The following LRRFIP1 variants were observed in gnomAD, a reference collection of about 807,000 sequenced individuals.
LRRFIP1 encodes the protein LRR binding FLII interacting protein 1, also known as leucine-rich repeat flightless-interacting protein 1.
A neutral mutation model predicts 104.4 loss-of-function variants in LRRFIP1; 62 were observed. That is an observed-to-expected ratio of 0.59 (90% CI 0.48 to 0.73). The LOEUF (loss-of-function observed/expected upper bound fraction) is 0.73, where lower values mean the gene tolerates loss of function less well. LRRFIP1 is among the 30% of genes least tolerant of loss of function. LRRFIP1 has a pLI of 0.00. For synonymous variants in LRRFIP1, 300 were observed against 299.0 expected (o/e 1.00, Z -0.03); for missense variants, 796 against 824.5 (o/e 0.97, Z 0.42).
chr2:237,652,860 T>C (rs1333734019), intron 1 of LRRFIP1, among the ~76,000 whole-genome samples: 1 of 152,196 alleles, frequency 6.6e-6, no homozygotes. Flanking sequence ...GGTTTGGCCC[T>C]GTGTCCCCAC....
chr2:237,752,576 C>A (rs1002113903), intron 14 of LRRFIP1, among the ~76,000 whole-genome samples: 2 of 151,696 alleles, frequency 1.3e-5, no homozygotes, highest in Admixed American at 6.6e-5. Flanking sequence ...CTGCCTTTAG[C>A]TCTGCATGTA....
chr2:237,630,124 C>T (rs1471020315), intron 1 of LRRFIP1, among the ~76,000 whole-genome samples: 3 of 152,148 alleles, frequency 2.0e-5, no homozygotes. Context: ...AAAACCCAGC[C>T]GTAGGTGCAG....
chr2:237,715,707 T>A (rs918446071), intron 3 of LRRFIP1, among the ~76,000 whole-genome samples: 1 of 152,244 alleles, frequency 6.6e-6, no homozygotes, highest in African/African-American at 2.4e-5. Context: ...CCAGCTGCTT[T>A]GCGGAACAGT....
intron 1 of LRRFIP1, among the ~76,000 whole-genome samples, chr2:237,635,048 G>A (rs2082893142): frequency 6.6e-6 from 1 of 152,052 alleles, no homozygotes; most frequent in Non-Finnish European, 1.5e-5. Flanking sequence ...TATTGTTGTT[G>A]TTAGGTCCCT....
In LRRFIP1 at chr2:237,627,847, T is replaced by A. The variant is rs180767916; in HGVS notation, c.96+107T>A. ...CTGTCCCGCTGTGCGTCTGTGCCAC[T>A]GCGCGTCCGGCTCCAGGCGGGTGGG... On this transcript the variant is annotated intron_variant, in intron 1 of 23. Transcript: ENST00000308482. The A allele has an allele frequency of 3.3e-3, 2,375 of 712,304 alleles. 37 individuals carry two copies. The African/African-American group carries it at 0.04, about 12-fold the overall frequency. 44.1% of individuals were successfully genotyped at this position (712,304 alleles called of 1,614,324 possible).
chr2:237,725,757 G>T (rs1165034947), intron 7 of LRRFIP1, among the ~76,000 whole-genome samples: 1 of 152,204 alleles, frequency 6.6e-6, no homozygotes, highest in African/African-American at 2.4e-5. Context: ...GCTGTAAGTG[G>T]AAAGGTGACA....
chr2:237,679,183 A>G (rs1045325486), intron 1 of LRRFIP1, among the ~76,000 whole-genome samples: 12 of 152,220 alleles, frequency 7.9e-5, no homozygotes, highest in African/African-American at 2.7e-4. Context: ...TTTAGGCAAG[A>G]GTATCTTGTT....
chr2:237,700,267 G>A (rs983684949), intron 1 of LRRFIP1, among the ~76,000 whole-genome samples: 5 of 152,126 alleles, frequency 3.3e-5, no homozygotes, highest in South Asian at 2.1e-4. Flanking sequence ...GGTACACCAC[G>A]GCCCCTCCAG....
intron 2 of LRRFIP1, among the ~76,000 whole-genome samples, chr2:237,713,409 TC>T (rs2094194125): frequency 1.3e-5 from 2 of 152,216 alleles, no homozygotes; most frequent in South Asian, 4.1e-4. Context: ...ACCTTGAACT[TC>T]TTAGGGAGAA....
chr2:237,680,942 CT>C, intron 1 of LRRFIP1, among the ~76,000 whole-genome samples: 1 of 152,298 alleles, frequency 6.6e-6, no homozygotes, highest in Admixed American at 6.5e-5. Flanking sequence ...GATCACGCCA[CT>C]GCACTCCAGG....
At chr2:237,752,009 C>T (rs11689906) in intron 14 of LRRFIP1, among the ~76,000 whole-genome samples, 4,848 of 152,262 alleles carry the variant, frequency 0.032, 93 homozygotes, top group Middle Eastern at 0.12. Context: ...CAAAGGGCAC[C>T]AGACAGAGGA....
chr2:237,693,651 G>T (rs2092966559), intron 1 of LRRFIP1, among the ~76,000 whole-genome samples: 1 of 152,170 alleles, frequency 6.6e-6, no homozygotes, highest in Non-Finnish European at 1.5e-5. Flanking sequence ...AAGAAGGAAG[G>T]GTGGGAATGT....
intron 11 of LRRFIP1, among the ~76,000 whole-genome samples, chr2:237,747,840 G>A (rs1246982797): frequency 6.6e-6 from 1 of 151,820 alleles, no homozygotes; most frequent in African/African-American, 2.4e-5. Context: ...CCTTCAATGT[G>A]CCAAAAAATA....
chr2:237,742,172 G>A (rs1410286794), intron 11 of LRRFIP1, among the ~76,000 whole-genome samples: 3 of 152,228 alleles, frequency 2.0e-5, no homozygotes, highest in East Asian at 3.8e-4. Context: ...AGGTTTATTA[G>A]ATGATCATAA....
At chr2:237,767,884 G>T (rs960210062) in intron 19 of LRRFIP1, among the ~76,000 whole-genome samples, 1 of 152,220 alleles carries the variant, frequency 6.6e-6, no homozygotes, top group Non-Finnish European at 1.5e-5. Flanking sequence ...GTTTGTGTGT[G>T]CATGTATTAT....
In LRRFIP1 at chr2:237,712,081, G is replaced by T. The variant is rs60189371; in HGVS notation, c.184-2178G>T. ...GCCTGGGGCGGGGGGACATCCCAGA[G>T]CTCCTGCCGTGTGGCAGAGCTGGGC... On this transcript the variant is annotated intron_variant, in intron 2 of 23. Transcript: ENST00000308482. 2.6e-5 allele frequency among the ~76,000 whole-genome samples: 4 copies of T among 152,210 alleles called. No homozygotes were observed. In the East Asian group the frequency reaches 7.7e-4, roughly 29 times the overall value.
At chr2:237,728,797 A>G (rs1482967712) in intron 8 of LRRFIP1, among the ~76,000 whole-genome samples, 1 of 152,124 alleles carries the variant, frequency 6.6e-6, no homozygotes, top group East Asian at 1.9e-4. Flanking sequence ...TTGGGCTTCA[A>G]ATGAGTGACC....
intron 12 of LRRFIP1, among the ~76,000 whole-genome samples, chr2:237,748,861 A>G (rs2058222264): frequency 6.6e-6 from 1 of 152,216 alleles, no homozygotes; most frequent in Admixed American, 6.5e-5. Context: ...GGTAATTTAC[A>G]AAGAAAAGAG....
chr2:237,632,169 T>C (rs901751614), intron 1 of LRRFIP1, among the ~76,000 whole-genome samples: 1 of 151,912 alleles, frequency 6.6e-6, no homozygotes, highest in Admixed American at 6.6e-5. Context: ...GGGGTCACAC[T>C]GCCCCCAAGG....
Sources: allele counts gnomAD v4.1 joint callset (sites outside exome capture counted in the v4.1 genomes callset), GRCh38; gene constraint gnomAD v4.1.1; transcripts MANE v1.5; gene names NCBI Gene and HGNC (gene_info 2026-07-23, HGNC 2026-07-21).